Variants in PCSK6 observed in about 807,000 individuals in gnomAD.
PCSK6 encodes the protein proprotein convertase subtilisin/kexin type 6.
PCSK6 carries 85 observed loss-of-function variants against 123.3 expected under a neutral mutation model. The ratio of observed to expected loss-of-function variants is 0.69; its 90% CI spans 0.58 to 0.83. PCSK6 has a LOEUF of 0.83. PCSK6 is among the 40% of genes least tolerant of loss of function. The pLI is 0.00. For synonymous variants in PCSK6, 508 were observed against 516.0 expected, an observed-to-expected ratio of 0.98 and a Z score of 0.21; for missense variants, 1,191 against 1,282.3, an observed-to-expected ratio of 0.93 and a Z score of 1.09.
At chr15:101,354,302 C>T (rs974574616) in intron 13 of PCSK6, among the ~76,000 whole-genome samples, 14 of 152,164 alleles carry the variant, frequency 9.2e-5, no homozygotes, top group African/African-American at 3.1e-4. Context: ...ACATACAAGC[C>T]CACATACACA....
intron 11 of PCSK6, among the ~76,000 whole-genome samples, chr15:101,374,614 T>C (rs967005273): frequency 6.6e-6 from 1 of 152,222 alleles, no homozygotes; most frequent in African/African-American, 2.4e-5. Flanking sequence ...GCTGCTGTGC[T>C]GGCACCTGGC....
intron 11 of PCSK6, among the ~76,000 whole-genome samples, chr15:101,380,719 T>A (rs2041890528): frequency 6.6e-6 from 1 of 152,218 alleles, no homozygotes; most frequent in South Asian, 2.1e-4. Context: ...TCCTACCATA[T>A]GCGAGCCCTC....
chr15:101,479,693 C>A (rs2141260163), intron 1 of PCSK6, among the ~76,000 whole-genome samples: 1 of 152,330 alleles, frequency 6.6e-6, no homozygotes, highest in South Asian at 2.1e-4. Context: ...CACCTCCATG[C>A]AGCCTTCTAC....
intron 1 of PCSK6, among the ~76,000 whole-genome samples, chr15:101,456,605 T>C (rs903285684): frequency 3.9e-5 from 6 of 152,028 alleles, no homozygotes; most frequent in Non-Finnish European, 7.4e-5. Flanking sequence ...AGGAGGCACA[T>C]AGGAAACCGC....
At chr15:101,456,384 C>T (rs753809445) in intron 1 of PCSK6, among the ~76,000 whole-genome samples, 7 of 152,234 alleles carry the variant, frequency 4.6e-5, no homozygotes, top group Admixed American at 1.3e-4. Context: ...GTTCCTTCCT[C>T]TTCTGTCTGG....
chr15:101,381,022 G>C (rs924167086), intron 11 of PCSK6, among the ~76,000 whole-genome samples: 4 of 151,928 alleles, frequency 2.6e-5, no homozygotes, highest in Admixed American at 2.6e-4. Context: ...TAGTGGGCTA[G>C]GGTTCTTGCT....
At chr15:101,376,233 T>C (rs8041027) in intron 11 of PCSK6, among the ~76,000 whole-genome samples, 22,158 of 152,030 alleles carry the variant, frequency 0.15, 2,294 homozygotes, top group East Asian at 0.46. Flanking sequence ...GCTAGGACTG[T>C]AGGTGCAAAC....
At chr15:101,347,448 A>T (rs929476676) in intron 13 of PCSK6, 4 of 1,249,018 alleles carry the variant, frequency 3.2e-6, no homozygotes, top group Non-Finnish European at 4.0e-6. Context: ...CACACAGAAG[A>T]GACTAATCTC....
intron 13 of PCSK6, 61 bp downstream of exon 13, chr15:101,366,135 C>A: frequency 6.6e-7 from 1 of 1,523,854 alleles, no homozygotes; most frequent in African/African-American, 1.4e-5. Flanking sequence ...TAAATAAGGC[C>A]CAGAGGTAAA....
intron 1 of PCSK6, among the ~76,000 whole-genome samples, chr15:101,457,838 A>G (rs1378573760): frequency 6.6e-6 from 1 of 152,224 alleles, no homozygotes; most frequent in African/African-American, 2.4e-5. Flanking sequence ...TATCCATAAA[A>G]TGAGCCTGCG....
chr15:101,468,663 A>T (rs1215921262), intron 1 of PCSK6, among the ~76,000 whole-genome samples: 1 of 152,186 alleles, frequency 6.6e-6, no homozygotes. Flanking sequence ...CATGAAGGAG[A>T]CAGCAGTTGG....
At chr15:101,406,324 G>A (rs2042781702) in intron 6 of PCSK6, among the ~76,000 whole-genome samples, 1 of 152,152 alleles carries the variant, frequency 6.6e-6, no homozygotes, top group Admixed American at 6.5e-5. Flanking sequence ...GCCCACTTTT[G>A]TTTATTGAGA....
At chr15:101,447,914 T>G (rs1282487149) in intron 1 of PCSK6, among the ~76,000 whole-genome samples, 1 of 152,216 alleles carries the variant, frequency 6.6e-6, no homozygotes, top group Admixed American at 6.5e-5. Context: ...CCTGGCAGCC[T>G]CCTCCTCCTT....
intron 1 of PCSK6, among the ~76,000 whole-genome samples, chr15:101,453,935 C>CT (rs2057105497): frequency 7.9e-5 from 12 of 152,166 alleles, no homozygotes; most frequent in Admixed American, 5.9e-4. Context: ...CACAGCACAC[C>CT]TGGGCACGCT....
At chr15:101,372,721 G>A (rs948704994) in intron 11 of PCSK6, among the ~76,000 whole-genome samples, 1 of 152,160 alleles carries the variant, frequency 6.6e-6, no homozygotes, top group Admixed American at 6.5e-5. Context: ...GACTTACTCA[G>A]TGCTCCCCTG....
chr15:101,426,693 C>T (rs765629071), intron 6 of PCSK6, among the ~76,000 whole-genome samples: 7 of 152,166 alleles, frequency 4.6e-5, no homozygotes, highest in East Asian at 1.9e-4. Flanking sequence ...TCCAGGGAAC[C>T]GTGGCCCAAC....
intron 13 of PCSK6, among the ~76,000 whole-genome samples, chr15:101,345,703 T>C (rs2040714066): frequency 6.6e-6 from 1 of 152,262 alleles, no homozygotes; most frequent in South Asian, 2.1e-4. Flanking sequence ...AGTCTCGTTC[T>C]GTCATCCAGG....
At chr15:101,337,107 C>A (rs1038494750) in intron 13 of PCSK6, 10 of 152,132 alleles carry the variant, frequency 6.6e-5, no homozygotes, top group African/African-American at 2.4e-4. Context: ...TGGGTTCACG[C>A]CATTCTCCTG....
At chr15:101,464,123 C>T (rs919993898) in intron 1 of PCSK6, among the ~76,000 whole-genome samples, 1 of 152,140 alleles carries the variant, frequency 6.6e-6, no homozygotes, top group African/African-American at 2.4e-5. Context: ...TAGGAGGAAA[C>T]AGGCCTCCTC....
Sources: gnomAD v4.1 joint callset for allele counts (sites outside exome capture counted in the v4.1 genomes callset) on GRCh38, gnomAD v4.1.1 for gene constraint, MANE v1.5 for transcripts, NCBI Gene and HGNC (gene_info 2026-07-23, HGNC 2026-07-21) for gene names.